The following NHSL1 variants were observed in gnomAD, a reference collection of about 807,000 sequenced individuals.
The protein encoded by NHSL1 is NHS-like protein 1.
In NHSL1, 48 loss-of-function variants were observed where a neutral mutation model predicts 95.0. The ratio of observed to expected loss-of-function variants is 0.51; its 90% CI spans 0.40 to 0.64. The LOEUF (loss-of-function observed/expected upper bound fraction) is 0.64. Ranked by LOEUF, NHSL1 falls within the 30% of genes least tolerant of loss-of-function variation. The pLI, the probability that NHSL1 is intolerant of heterozygous loss-of-function variation, is 0.00. For synonymous variants in NHSL1, 783 were observed against 833.9 expected (o/e 0.94, Z 1.05); for missense variants, 1,971 against 2,077.7 (o/e 0.95, Z 1.00).
chr6:138,437,833 C>T (rs895517433), intron 5 of NHSL1, among the ~76,000 whole-genome samples: 1 of 152,168 alleles, frequency 6.6e-6, no homozygotes, highest in African/African-American at 2.4e-5. Flanking sequence ...GTGGTAGAAA[C>T]AGCAAGGAAC....
intron 2 of NHSL1, among the ~76,000 whole-genome samples, chr6:138,476,154 A>G (rs1779053633): frequency 6.6e-6 from 1 of 152,196 alleles, no homozygotes; most frequent in South Asian, 2.1e-4. Flanking sequence ...GCATCTATCC[A>G]AAGGAAAAGA....
chr6:138,447,223 G>C, intron 3 of NHSL1, 30 bp from the exon 4 acceptor site: 1 of 1,513,142 alleles, frequency 6.6e-7, no homozygotes, highest in Non-Finnish European at 8.9e-7. Flanking sequence ...AGCAGCCACA[G>C]TGTATAAAGA....
chr6:138,657,814 CAAAAAAAAAAAAA>C (rs1051789759), intron 1 of NHSL1, among the ~76,000 whole-genome samples: 3 of 33,042 alleles, frequency 9.1e-5, no homozygotes, highest in African/African-American at 3.2e-4. Context: ...GACTCCATCT[CAAAAAAAAAAAAA>C]AAAAAAAAAG....
chr6:138,443,062 CAT>C (rs59676999), intron 4 of NHSL1, among the ~76,000 whole-genome samples: 2,166 of 145,190 alleles, frequency 0.015, 36 homozygotes, highest in African/African-American at 0.046. Flanking sequence ...TACACACACA[CAT>C]ATATATATAT....
rs146433971 is a variant in NHSL1 at position 138,592,616 on chromosome 6, C to CAAAAAAA, written c.97-96246_97-96245insTTTTTTT. 4.0e-5 allele frequency among the ~76,000 whole-genome samples: 6 copies of CAAAAAAA among 150,424 alleles called. No individual in the cohort carries two copies. The East Asian group carries it at 1.2e-3, about 30-fold the overall frequency. ...GACTGTCGCACAAAAAAACAAAAAA[C>CAAAAAAA]AACAAAAAACAAAAAACAACAACAA... is the stretch of plus-strand genomic sequence containing the variant. On this transcript the variant is annotated intron_variant, in intron 1 of 3. Coordinates refer to the NHSL1 transcript ENST00000491526.
intron 3 of NHSL1, among the ~76,000 whole-genome samples, chr6:138,460,307 A>G (rs1348668321): frequency 6.6e-6 from 1 of 152,100 alleles, no homozygotes; most frequent in Non-Finnish European, 1.5e-5. Context: ...TATAAACTGG[A>G]AAATCAGTTT....
At chr6:138,495,579 G>A (rs939598713) in intron 2 of NHSL1, among the ~76,000 whole-genome samples, 1 of 152,212 alleles carries the variant, frequency 6.6e-6, no homozygotes, top group African/African-American at 2.4e-5. Flanking sequence ...GGTTTATTTG[G>A]ATCAAATTAA....
chr6:138,468,748 G>A (rs987718821), intron 3 of NHSL1, among the ~76,000 whole-genome samples: 2 of 152,180 alleles, frequency 1.3e-5, no homozygotes, highest in Non-Finnish European at 1.5e-5. Context: ...AGGCTGTACC[G>A]TCTAGGTTTG....
chr6:138,524,644 A>G (rs1230009874), intron 1 of NHSL1, among the ~76,000 whole-genome samples: 1 of 152,106 alleles, frequency 6.6e-6, no homozygotes, highest in East Asian at 1.9e-4. Flanking sequence ...CACTATGAAC[A>G]TTCTCATGCA....
At chr6:138,668,071 C>T (rs768328819) in intron 1 of NHSL1, among the ~76,000 whole-genome samples, 5 of 152,172 alleles carry the variant, frequency 3.3e-5, no homozygotes, top group Non-Finnish European at 5.9e-5. Flanking sequence ...TGGACACACA[C>T]CACAGGTTAA....
chr6:138,466,164 C>T (rs998606750), intron 3 of NHSL1, among the ~76,000 whole-genome samples: 5 of 151,904 alleles, frequency 3.3e-5, no homozygotes, highest in Non-Finnish European at 5.9e-5. Flanking sequence ...CTCAGTCTCC[C>T]GAATAGCTGG....
chr6:138,559,459 A>G (rs1783331034), intron 1 of NHSL1, among the ~76,000 whole-genome samples: 1 of 152,226 alleles, frequency 6.6e-6, no homozygotes, highest in African/African-American at 2.4e-5. Context: ...GGGAACTCAG[A>G]AAAGGACTTC....
intron 5 of NHSL1, 150 bp from the exon 6 acceptor site, chr6:138,433,830 G>T: frequency 8.5e-7 from 1 of 1,177,888 alleles, no homozygotes; most frequent in Non-Finnish European, 1.1e-6. Flanking sequence ...CATTTAAAAA[G>T]TTACTGATAG....
At chr6:138,466,041 T>TGC (rs372536926) in intron 3 of NHSL1, among the ~76,000 whole-genome samples, 2 of 125,552 alleles carry the variant, frequency 1.6e-5, no homozygotes, top group African/African-American at 5.9e-5. Context: ...CACTCCTTTT[T>TGC]GGGGGGGGGG....
chr6:138,666,469 A>G (rs750751594), intron 1 of NHSL1, among the ~76,000 whole-genome samples: 5 of 151,622 alleles, frequency 3.3e-5, no homozygotes, highest in Non-Finnish European at 7.4e-5. Flanking sequence ...GTGGGCGCCT[A>G]TAGTCCCAGC....
Position 138,496,209 on chromosome 6 carries a change from G to A in NHSL1, c.211+10C>T. 1 of 1,550,690 alleles carries A rather than the reference G, an allele frequency of 6.4e-7. No homozygotes were observed. Among genetic ancestry groups the A allele is most frequent in the Non-Finnish European group, 8.7e-7 (1 of 1,146,568 alleles). ...CCAAGAAAATAAGCTCACAGAGGAT[G>A]CCATCTTACCCCTCAGTACTGATTT... On this transcript the variant is annotated intron_variant, in intron 2 of 7. Transcript: ENST00000343505.
At chr6:138,576,054 C>T (rs112058772), upstream of NHSL1, among the ~76,000 whole-genome samples, 295 of 152,164 alleles carry the variant, frequency 1.9e-3, 3 homozygotes, top group African/African-American at 6.5e-3. Flanking sequence ...CGCAGTGGCG[C>T]GATCTTGTCT....
At chr6:138,496,759 G>GC (rs1562327544) in intron 1 of NHSL1, among the ~76,000 whole-genome samples, 1 of 152,116 alleles carries the variant, frequency 6.6e-6, no homozygotes, top group African/African-American at 2.4e-5. Context: ...TAATGCCATC[G>GC]CAACAGTAAA....
intron 1 of NHSL1, among the ~76,000 whole-genome samples, chr6:138,553,510 G>A (rs1783086412): frequency 6.6e-6 from 1 of 152,062 alleles, no homozygotes; most frequent in South Asian, 2.1e-4. Context: ...TACTTTTCAG[G>A]GTGCTGGAAC....
Sources: gnomAD v4.1 joint callset for allele counts (sites outside exome capture counted in the v4.1 genomes callset) on GRCh38, gnomAD v4.1.1 for gene constraint, MANE v1.5 for transcripts, NCBI Gene and HGNC (gene_info 2026-07-23, HGNC 2026-07-21) for gene names.